The following PRKAR1B variants were observed in gnomAD, a reference collection of about 807,000 sequenced individuals.
PRKAR1B encodes the protein protein kinase cAMP-dependent type I regulatory subunit beta.
Under a neutral mutation model 46.5 loss-of-function variants are expected in PRKAR1B, and 22 were observed. That is an observed-to-expected ratio of 0.47 (90% CI 0.34 to 0.68). The LOEUF is 0.68. Among genes scored for constraint, PRKAR1B ranks in the 30% least tolerant of loss-of-function variants. The pLI, the probability that PRKAR1B is intolerant of heterozygous loss-of-function variation, is 0.01. For missense variants in PRKAR1B, 445 were observed against 535.6 expected (o/e 0.83, Z 1.67); for synonymous variants, 259 against 217.7 (o/e 1.19, Z -1.67).
chr7:664,989 C>G (rs953090119), intron 4 of PRKAR1B, among the ~76,000 whole-genome samples: 1 of 151,892 alleles, frequency 6.6e-6, no homozygotes, highest in Non-Finnish European at 1.5e-5. Flanking sequence ...CCACGATCAC[C>G]TGGGGGAAGT....
At chr7:726,206 C>A (rs541738904) in intron 1 of PRKAR1B, among the ~76,000 whole-genome samples, 1 of 152,254 alleles carries the variant, frequency 6.6e-6, no homozygotes, top group African/African-American at 2.4e-5. Flanking sequence ...CGCCTGAGAT[C>A]TAATGACAGG....
chr7:569,019 T>C (rs1227973400), intron 9 of PRKAR1B, among the ~76,000 whole-genome samples: 1 of 151,412 alleles, frequency 6.6e-6, no homozygotes, highest in African/African-American at 2.4e-5. Context: ...ATTTTTTTTT[T>C]TTTGGTGGGG....
intron 8 of PRKAR1B, among the ~76,000 whole-genome samples, chr7:582,342 C>A (rs1481505338): frequency 1.3e-5 from 2 of 152,270 alleles, no homozygotes; most frequent in Non-Finnish European, 2.9e-5. Flanking sequence ...GGTGTGGGGA[C>A]AGAAATGCCG....
At chr7:617,907 T>C (rs747941373) in intron 4 of PRKAR1B, among the ~76,000 whole-genome samples, 1 of 152,184 alleles carries the variant, frequency 6.6e-6, no homozygotes, top group Non-Finnish European at 1.5e-5. Flanking sequence ...ACCCCGCCCC[T>C]GCACAGACAC....
At chr7:555,737 G>A (rs1001270425) in intron 9 of PRKAR1B, among the ~76,000 whole-genome samples, 1 of 152,178 alleles carries the variant, frequency 6.6e-6, no homozygotes, top group African/African-American at 2.4e-5. Flanking sequence ...ACTTGGCCAA[G>A]GCCACACAGT....
At chr7:583,393 A>T (rs1583244946) in intron 8 of PRKAR1B, among the ~76,000 whole-genome samples, 1 of 52,276 alleles carries the variant, frequency 1.9e-5, no homozygotes, top group Non-Finnish European at 4.0e-5. Flanking sequence ...GCACACTCAC[A>T]CCCCCCACAC....
Position 682,811 on chromosome 7 carries a change from T to A in PRKAR1B, c.178-2085A>T, listed in dbSNP as rs960104667. ...GTCCTAACAGATATGAATGGCTCTG[T>A]GTGCAGAAGCAATGCTGGCTCACAT... On this transcript the variant is annotated intron_variant, in intron 2 of 10. Coordinates refer to ENST00000537384, the MANE Select transcript of PRKAR1B (RefSeq NM_001164760.2). Among the ~76,000 whole-genome samples the A allele has an allele frequency of 9.2e-5, 14 of 152,266 alleles. No homozygotes were observed. The East Asian group carries it at 1.4e-3, about 15-fold the overall frequency.
At chr7:603,918 G>C (rs994602702) in intron 6 of PRKAR1B, among the ~76,000 whole-genome samples, 4 of 145,844 alleles carry the variant, frequency 2.7e-5, no homozygotes, top group Non-Finnish European at 6.0e-5. Context: ...GTGTGAACTA[G>C]AAGAGGGGCT....
At chr7:662,590 C>G (rs547905549) in intron 4 of PRKAR1B, among the ~76,000 whole-genome samples, 4 of 147,862 alleles carry the variant, frequency 2.7e-5, no homozygotes, top group South Asian at 4.4e-4. Context: ...CTCTCCCCCC[C>G]ATAGCACAAG....
At chr7:687,641 C>A (rs772536516) in intron 2 of PRKAR1B, among the ~76,000 whole-genome samples, 1 of 152,132 alleles carries the variant, frequency 6.6e-6, no homozygotes, top group Non-Finnish European at 1.5e-5. Flanking sequence ...ATGGCAGAAG[C>A]AACGTTTGAA....
intron 2 of PRKAR1B, among the ~76,000 whole-genome samples, chr7:707,090 C>T (rs1397263140): frequency 6.6e-6 from 1 of 152,242 alleles, no homozygotes; most frequent in African/African-American, 2.4e-5. Flanking sequence ...AAATGAGACT[C>T]CATGGAATTT....
upstream of PRKAR1B, among the ~76,000 whole-genome samples, chr7:728,435 C>T (rs1781440892): frequency 6.6e-6 from 1 of 152,172 alleles, no homozygotes; most frequent in Admixed American, 6.5e-5. Flanking sequence ...AAGATCACTG[C>T]AGCTGCGTGG....
intron 9 of PRKAR1B, chr7:565,120 A>G (rs894589313): frequency 1.3e-5 from 2 of 152,268 alleles, no homozygotes; most frequent in African/African-American, 4.8e-5. Flanking sequence ...GGAGACTGGA[A>G]TAAGATCGGA....
In PRKAR1B at chr7:608,728, G is replaced by A. The variant is rs370824287; in HGVS notation, c.441-1276C>T. Among the ~76,000 whole-genome samples, 541 of 118,020 alleles carry A rather than the reference G, an allele frequency of 4.6e-3. 9 individuals carry two copies. The highest frequency in any genetic ancestry group is 5.7e-3 in the Non-Finnish European group (327 of 56,988). The allele number at this position is 118,020 out of a possible 152,430, so 77.4% of individuals were successfully genotyped here. ...CCACCGTCCTCCCACCTGGGGAGGG[G>A]TCAGTGTGTGGCAGGGCTGTAGGGA... is the stretch of plus-strand genomic sequence containing the variant. On this transcript the variant is annotated intron_variant, in intron 4 of 10. Coordinates refer to ENST00000537384, the MANE Select transcript of PRKAR1B (RefSeq NM_001164760.2).
chr7:557,348 A>G (rs1778510169), intron 9 of PRKAR1B, among the ~76,000 whole-genome samples: 1 of 152,148 alleles, frequency 6.6e-6, no homozygotes, highest in South Asian at 2.1e-4. Flanking sequence ...ACACACAACC[A>G]TCACTTCTCA....
chr7:605,903 G>A (rs904115023), intron 6 of PRKAR1B, among the ~76,000 whole-genome samples: 49 of 152,156 alleles, frequency 3.2e-4, no homozygotes, highest in African/African-American at 1.1e-3. Flanking sequence ...AAACAGAACC[G>A]CCCTGGCCAG....
intron 4 of PRKAR1B, among the ~76,000 whole-genome samples, chr7:654,078 AC>A (rs1785054530): frequency 6.6e-6 from 1 of 150,674 alleles, no homozygotes; most frequent in South Asian, 2.1e-4. Context: ...CATCACCATC[AC>A]CATCTTCATC....
rs958969059 is a variant in PRKAR1B at position 600,025 on chromosome 7, G to A, written c.550-3721C>T. ...GTGTTTAGAAGTCAATGGTGGGACAGGGGTGCCAGGAGCTGGGGGAGGCGC... is the reference window on the plus strand; with the variant it reads ...GTGTTTAGAAGTCAATGGTGGGACAAGGGTGCCAGGAGCTGGGGGAGGCGC... On this transcript the variant is annotated intron_variant, in intron 6 of 10. Coordinates refer to ENST00000537384, the MANE Select transcript of PRKAR1B (RefSeq NM_001164760.2). Among the ~76,000 whole-genome samples, 6 of 152,092 alleles carry A rather than the reference G, an allele frequency of 3.9e-5. 1 individual carries two copies. Among genetic ancestry groups the A allele is most frequent in the Non-Finnish European group, 7.4e-5 (5 of 68,018 alleles).
Position 550,561 on chromosome 7 carries a change from C to G in PRKAR1B, c.1015G>C (p.Val339Leu). The change falls in exon 11 of 11, where the codon GTC (valine) becomes CTC (leucine). Residue 339 changes from valine (V) to leucine (L), a missense_variant. Transcript: ENST00000537384. ...CACTTGAGGGGCCCCCGGGCCACGA[C>G]AGTGGCCGCCCGGGGCCGGTTCAGC... ...LLLNRPRAAT[V>L]VARGPLKCVK... The G allele has an allele frequency of 1.3e-6, 2 of 1,599,880 alleles. No homozygotes were observed. Among genetic ancestry groups the G allele is most frequent in the Non-Finnish European group, 1.7e-6 (2 of 1,174,532 alleles).
Sources: allele counts gnomAD v4.1 joint callset (sites outside exome capture counted in the v4.1 genomes callset), GRCh38; gene constraint gnomAD v4.1.1; transcripts MANE v1.5; gene names NCBI Gene and HGNC (gene_info 2026-07-23, HGNC 2026-07-21).